SIX2: variants seen among roughly 807,000 people sequenced by gnomAD.
SIX2 encodes SIX homeobox 2.
SIX2 carries 20 observed loss-of-function variants against 22.8 expected under a neutral mutation model. That is an observed-to-expected ratio of 0.88 (90% confidence interval 0.62 to 1.28). The LOEUF (loss-of-function observed/expected upper bound fraction) is 1.28. Ranked by LOEUF, SIX2 falls within the 50% of genes most tolerant of loss-of-function variation. The pLI, the probability that SIX2 is intolerant of heterozygous loss-of-function variation, is 0.00. For missense variants in SIX2, 360 were observed against 400.0 expected (o/e 0.90, Z 0.85); for synonymous variants, 195 against 186.4 (o/e 1.05, Z -0.37).
chr2:45,007,586 A>T (rs937293489), intron 1 of SIX2, among the ~76,000 whole-genome samples: 4 of 151,666 alleles, frequency 2.6e-5, no homozygotes, highest in African/African-American at 9.7e-5. Flanking sequence ...CAGCACCCTC[A>T]CCTCTGACCC....
Position 45,008,756 on chromosome 2 carries a change from G to A in SIX2, c.355C>T (p.Arg119Cys). The A allele has an allele frequency of 2.5e-6, 4 of 1,613,952 alleles. No individual in the cohort carries two copies. Among genetic ancestry groups the A allele is most frequent in the Non-Finnish European group, 3.4e-6 (4 of 1,179,954 alleles). ...GTCTCCTCGCCGTCCCAGATGGAGCGCGGCAGCGGGAATTTGCGGCGCACG... is the reference window on the plus strand; with the variant it reads ...GTCTCCTCGCCGTCCCAGATGGAGCACGGCAGCGGGAATTTGCGGCGCACG... ...YRVRRKFPLP[R>C]SIWDGEETSY... The change falls in exon 1 of 2, where the codon CGC (arginine) becomes TGC (cysteine). Residue 119 changes from arginine (R) to cysteine (C), a missense_variant. Physicochemically the swap from Arg to Cys is radical, Grantham distance 180. Around this residue, in one of 3 missense-constraint regions of SIX2, gnomAD observed 7 missense variants for 33.1 expected, o/e 0.21. Transcript: ENST00000303077.
chr2:45,008,385 G>A (rs1667806806), intron 1 of SIX2, among the ~76,000 whole-genome samples, 166 bp downstream of exon 1: 1 of 152,262 alleles, frequency 6.6e-6, no homozygotes, highest in East Asian at 1.9e-4. Flanking sequence ...CCGGGTCTCC[G>A]GCATAGAAAG....
chr2:45,009,184 C>G lies in SIX2; in HGVS notation c.-74G>C, dbSNP rs1667827841. 1.6e-6 allele frequency: 2 copies of G among 1,238,832 alleles called. No individual in the cohort carries two copies. The highest frequency in any genetic ancestry group is 4.8e-5 in the South Asian group (2 of 41,520). The allele number at this position is 1,238,832 out of a possible 1,614,324, so 76.7% of individuals were successfully genotyped here. On this transcript the variant is annotated 5_prime_UTR_variant, in exon 1 of 2. Transcript: ENST00000303077. Reference sequence around the variant, plus strand: ...GCGGTCCCGCATGGGAGCTTCCTCGCCGGGCCGTCCGGGCCGAGACGCGGG... The same window carrying G: ...GCGGTCCCGCATGGGAGCTTCCTCGGCGGGCCGTCCGGGCCGAGACGCGGG...
chr2:45,008,378 G>A (rs751239725), intron 1 of SIX2, among the ~76,000 whole-genome samples, 173 bp downstream of exon 1: 23 of 152,266 alleles, frequency 1.5e-4, no homozygotes, highest in Non-Finnish European at 2.9e-4. Context: ...CTGCTCGCCG[G>A]GTCTCCGGCA....
chr2:45,006,489 C>A lies in SIX2; in HGVS notation c.561-4G>T. ...ATTGGAGTTCTCGTTGTTCTCCCTG[C>A]AAGTGCGGGAGCAAAGCAGCGGGGT... On this transcript the variant is annotated splice_region_variant and splice_polypyrimidine_tract_variant and intron_variant, in intron 1 of 1. Coordinates refer to ENST00000303077, the MANE Select transcript of SIX2 (RefSeq NM_016932.5). This position sits in a 1 kb window ranked among gnomAD's most constrained non-coding sequence, Gnocchi z 4.2. The A allele has an allele frequency of 6.2e-7, 1 of 1,612,498 alleles. No homozygotes were observed. The highest frequency in any genetic ancestry group is 1.1e-5 in the South Asian group (1 of 91,078).
At chr2:45,007,036 G>C (rs566468414) in intron 1 of SIX2, among the ~76,000 whole-genome samples, 1 of 152,196 alleles carries the variant, frequency 6.6e-6, no homozygotes, top group Non-Finnish European at 1.5e-5. Context: ...AGGCTCCTGG[G>C]GCTAAGCGTC....
rs1314084468 is a variant in SIX2, at chr2:45,006,892, G to A, written c.561-407C>T. ...TTTCAGATCACTCTAGGCTCCACAA[G>A]CCAGGTTTGCTGGGTAGATGTGGGG... On this transcript the variant is annotated intron_variant, in intron 1 of 1. Coordinates refer to ENST00000303077, the MANE Select transcript of SIX2 (RefSeq NM_016932.5). The surrounding 1 kb of genome is among the most constrained non-coding windows in gnomAD (Gnocchi z 4.2). Among the ~76,000 whole-genome samples the A allele has an allele frequency of 6.6e-6, 1 of 152,222 alleles. No individual in the cohort carries two copies. Among genetic ancestry groups the A allele is most frequent in the East Asian group, 1.9e-4 (1 of 5,192 alleles).
At position 45,008,640 on chromosome 2, in the gene SIX2, C is replaced by T; in HGVS notation, c.471G>A (p.Leu157=). 2 of 1,614,062 alleles carry T rather than the reference C, an allele frequency of 1.2e-6. No homozygotes were observed. The highest frequency in any genetic ancestry group is 1.7e-6 in the Non-Finnish European group (2 of 1,179,968). Residue 157 remains leucine, a synonymous_variant, in exon 1 of 2, where the codon CTG becomes CTA. Coordinates refer to ENST00000303077, the MANE Select transcript of SIX2 (RefSeq NM_016932.5). ...TGGTGGTGAGGCCCGTGGCCTCCGC[C>T]AGCTCACGCTTCTCGCGGGGTGAAG... ...PYPSPREKRE[L]AEATGLTTTQ...
At position 45,008,857 on chromosome 2, in the gene SIX2, T is replaced by A. The variant is rs1476471051; in HGVS notation, c.254A>T (p.Gln85Leu). Residue 85 changes from glutamine to leucine, a missense_variant, in exon 1 of 2, where the codon CAG becomes CTG. Transcript: ENST00000303077. ...GATGTAGTGTGCCTTGAGCCACAGC[T>A]GCTGCAGCTTGGCGTGGTTGTGCGG... is the stretch of plus-strand genomic sequence containing the variant. ...FSPHNHAKLQ[Q>L]LWLKAHYIEA... 1 of 1,613,986 alleles carries A rather than the reference T, an allele frequency of 6.2e-7. No individual in the cohort carries two copies. Among genetic ancestry groups the A allele is most frequent in the Non-Finnish European group, 8.5e-7 (1 of 1,179,972 alleles).
Position 45,005,400 on chromosome 2 carries a change from G to C in SIX2, c.*770C>G, listed in dbSNP as rs112423728. The C allele has an allele frequency of 6.6e-6, 1 of 151,960 alleles. No individual in the cohort carries two copies. Among genetic ancestry groups the C allele is most frequent in the African/African-American group, 2.4e-5 (1 of 41,308 alleles). The allele number at this position is 151,960 out of a possible 1,614,324, so 9.4% of individuals were successfully genotyped here. A position where few individuals can be genotyped will look rare whatever the true frequency, so the allele number is the denominator to read the frequency against. On this transcript the variant is annotated 3_prime_UTR_variant, in exon 2 of 2. Coordinates refer to ENST00000303077, the MANE Select transcript of SIX2 (RefSeq NM_016932.5). ...CAAGAGAGAAGGAGGAGGGGCGTAT[G>C]ACGAGGCGGCGTTTAGGGGCTTCTG...
In SIX2 at chr2:45,006,214, T is replaced by G; in HGVS notation, c.832A>C (p.Ile278Leu). Residue 278 changes from isoleucine to leucine, a missense_variant, in exon 2 of 2, where the codon ATC becomes CTC. Transcript: ENST00000303077. This position sits in a 1 kb window ranked among gnomAD's most constrained non-coding sequence, Gnocchi z 4.2. ...LQHHHGLQDSILNPMSANLVD... is the reference protein window; with the variant it reads ...LQHHHGLQDSLLNPMSANLVD... ...AGGTTGGCTGACATGGGGTTGAGGATGGAGTCCTGCAGGCCATGGTGGTGT... is the reference window on the plus strand; with the variant it reads ...AGGTTGGCTGACATGGGGTTGAGGAGGGAGTCCTGCAGGCCATGGTGGTGT... 2 of 1,614,186 alleles carry G rather than the reference T, an allele frequency of 1.2e-6. No individual in the cohort carries two copies. The highest frequency in any genetic ancestry group is 1.7e-6 in the Non-Finnish European group (2 of 1,180,018).
Position 45,006,072 on chromosome 2 carries a change from A to G in SIX2, c.*98T>C, listed in dbSNP as rs1572648044. 1 of 1,311,142 alleles carries G rather than the reference A, an allele frequency of 7.6e-7. No individual in the cohort carries two copies. The highest frequency in any genetic ancestry group is 1.8e-4 in the Middle Eastern group (1 of 5,526). The allele number at this position is 1,311,142 out of a possible 1,614,324, so 81.2% of individuals were successfully genotyped here. A position where few individuals can be genotyped will look rare whatever the true frequency, so the allele number is the denominator to read the frequency against. ...CCGCTCAGCCTGCGGGTCTTTCAGTACCTGGTGGGGCCGCAGGGGCGGGGC... is the reference window on the plus strand; with the variant it reads ...CCGCTCAGCCTGCGGGTCTTTCAGTGCCTGGTGGGGCCGCAGGGGCGGGGC... On this transcript the variant is annotated 3_prime_UTR_variant, in exon 2 of 2. Coordinates refer to ENST00000303077, the MANE Select transcript of SIX2 (RefSeq NM_016932.5). This position sits in a 1 kb window ranked among gnomAD's most constrained non-coding sequence, Gnocchi z 4.2.
At position 45,006,038 on chromosome 2, in the gene SIX2, C is replaced by A; in HGVS notation, c.*132G>T. On this transcript the variant is annotated 3_prime_UTR_variant, in exon 2 of 2. Coordinates refer to ENST00000303077, the MANE Select transcript of SIX2 (RefSeq NM_016932.5). The surrounding 1 kb of genome is among the most constrained non-coding windows in gnomAD (Gnocchi z 4.2). ...ATAGACAGCTATCTGCCCTACCCGG[C>A]TGTTCTACCCGCTCAGCCTGCGGGT... 2 of 933,006 alleles carry A rather than the reference C, an allele frequency of 2.1e-6. No individual in the cohort carries two copies. The highest frequency in any genetic ancestry group is 3.6e-6 in the Non-Finnish European group (2 of 561,548). The allele number at this position is 933,006 out of a possible 1,614,324, so 57.8% of individuals were successfully genotyped here. A position where few individuals can be genotyped will look rare whatever the true frequency, so the allele number is the denominator to read the frequency against.
chr2:45,009,207 G>T lies in SIX2; in HGVS notation c.-97C>A, dbSNP rs549628521. 327 of 1,062,478 alleles carry T rather than the reference G, an allele frequency of 3.1e-4. No individual in the cohort carries two copies. The African/African-American group carries it at 5.1e-3, about 17-fold the overall frequency. 65.8% of individuals were successfully genotyped at this position (1,062,478 alleles called of 1,614,324 possible). On this transcript the variant is annotated 5_prime_UTR_variant, in exon 1 of 2. Transcript: ENST00000303077. The stretch of plus-strand genomic sequence containing the variant: ...CGCCGGGCCGTCCGGGCCGAGACGC[G>T]GGCGGGGCTGGCCCCCTGGCCCGGC...
In SIX2 at chr2:45,006,842, C is replaced by T. The variant is rs950843288; in HGVS notation, c.561-357G>A. On this transcript the variant is annotated intron_variant, in intron 1 of 1. Transcript: ENST00000303077. The surrounding 1 kb of genome is among the most constrained non-coding windows in gnomAD (Gnocchi z 4.2). The stretch of plus-strand genomic sequence containing the variant: ...GGTTCCCTGAAGTTGTGGGGTGAGC[C>T]GGGAGGAAGAGACGATGCCTGGATT... Among the ~76,000 whole-genome samples, 4 of 152,100 alleles carry T rather than the reference C, an allele frequency of 2.6e-5. No individual in the cohort carries two copies. The highest frequency in any genetic ancestry group is 6.6e-5 in the Admixed American group (1 of 15,266).
At position 45,005,894 on chromosome 2, in the gene SIX2, G is replaced by A. The variant is rs563791208; in HGVS notation, c.*276C>T. Reference sequence around the variant, plus strand: ...AGAGGGTAAAAGGAAGAGACAGAGGGAGAGAGAGAATGACAGTGGTGTATA... The same window carrying A: ...AGAGGGTAAAAGGAAGAGACAGAGGAAGAGAGAGAATGACAGTGGTGTATA... On this transcript the variant is annotated 3_prime_UTR_variant, in exon 2 of 2. Transcript: ENST00000303077. The A allele has an allele frequency of 3.1e-4, 176 of 565,540 alleles. No individual in the cohort carries two copies. Among genetic ancestry groups the A allele is most frequent in the African/African-American group, 2.9e-3 (157 of 53,324 alleles). 35.0% of individuals were successfully genotyped at this position (565,540 alleles called of 1,614,324 possible).
Position 45,005,942 on chromosome 2 carries a change from A to C in SIX2, c.*228T>G. On this transcript the variant is annotated 3_prime_UTR_variant, in exon 2 of 2. Transcript: ENST00000303077. ...ATAATTTATTCCCTTCTGTGGTTCAAGACTCAGTCTCCAGCCCCAAAAGGA... is the reference window on the plus strand; with the variant it reads ...ATAATTTATTCCCTTCTGTGGTTCACGACTCAGTCTCCAGCCCCAAAAGGA... 1.6e-6 allele frequency: 1 copy of C among 636,708 alleles called. No individual in the cohort carries two copies. The highest frequency in any genetic ancestry group is 2.9e-6 in the Non-Finnish European group (1 of 350,074). 39.4% of individuals were successfully genotyped at this position (636,708 alleles called of 1,614,324 possible). A position where few individuals can be genotyped will look rare whatever the true frequency, so the allele number is the denominator to read the frequency against.
Position 45,006,398 on chromosome 2 carries a change from C to T in SIX2, c.648G>A (p.Lys216=), listed in dbSNP as rs762163556. ...AGTGGTCTGGCGTCCCCGATGGAGT[C>T]TTCTCATCCTCCGAGCTGCCTAACA... The part of the protein sequence containing the change: ...KSVLGSSEDE[K]TPSGTPDHSS... The change falls in exon 2 of 2, where the codon AAG becomes AAA. Residue 216 remains lysine (K), a synonymous_variant. Transcript: ENST00000303077. The surrounding 1 kb of genome is among the most constrained non-coding windows in gnomAD (Gnocchi z 4.2). 12 of 1,614,236 alleles carry T rather than the reference C, an allele frequency of 7.4e-6. No individual in the cohort carries two copies. In the Admixed American group the frequency reaches 1.8e-4, roughly 25 times the overall value.
intron 1 of SIX2, 102 bp downstream of exon 1, chr2:45,008,449 G>C: frequency 1.6e-6 from 2 of 1,284,954 alleles, no homozygotes; most frequent in South Asian, 1.2e-5. Flanking sequence ...GGCCGGGCCT[G>C]GGGGCCCAGT....
Sources: gnomAD v4.1 joint callset for allele counts (sites outside exome capture counted in the v4.1 genomes callset) on GRCh38, gnomAD v4.1.1 for gene constraint, gnomAD v4.1.1 regional missense constraint, Gnocchi (gnomAD v3.1) non-coding constraint, MANE v1.5 for transcripts, NCBI Gene and HGNC (gene_info 2026-07-23, HGNC 2026-07-21) for gene names.